The following TTLL6 variants were observed in gnomAD, a reference collection of about 807,000 sequenced individuals.
TTLL6 encodes tubulin tyrosine ligase like 6.
TTLL6 carries 75 observed loss-of-function variants against 96.4 expected under a neutral mutation model. The ratio of observed to expected loss-of-function variants is 0.78; its 90% confidence interval spans 0.65 to 0.94. The LOEUF is 0.94. TTLL6 is among the 40% of genes least tolerant of loss of function. The probability of loss-of-function intolerance (pLI) is 0.00; values close to 1 mark genes in which losing one functional copy is unlikely to be tolerated. For missense variants in TTLL6, 1,030 were observed against 1,093.0 expected (o/e 0.94, Z 0.81); for synonymous variants, 411 against 419.4 (o/e 0.98, Z 0.24).
intron 10 of TTLL6, among the ~76,000 whole-genome samples, chr17:48,788,885 A>C (rs2039161932): frequency 6.6e-6 from 1 of 152,190 alleles, no homozygotes; most frequent in South Asian, 2.1e-4. Flanking sequence ...CCAGAAACTC[A>C]ACCCCAAAGG....
In TTLL6 at chr17:48,769,132, G is replaced by T. The variant is rs1160917452; in HGVS notation, c.2533C>A (p.Leu845Met). 3 of 1,614,182 alleles carry T rather than the reference G, an allele frequency of 1.9e-6. No homozygotes were observed. In the Admixed American group the frequency reaches 5.0e-5, roughly 27 times the overall value. The change falls in exon 15 of 16, where the codon CTG becomes ATG. Residue 845 changes from leucine (L) to methionine (M), a missense_variant. By Grantham distance (15) the Leu-to-Met change is conservative (BLOSUM62 2). Coordinates refer to ENST00000393382, the MANE Select transcript of TTLL6 (RefSeq NM_001130918.3). ...TGGGCTGGAGTGGCAATCACCAGCA[G>T]GTCCCTCAGAGTAACATTATAGCTC... is the stretch of plus-strand genomic sequence containing the variant. The part of the protein sequence containing the change: ...PQSYNVTLRD[L>M]LVIATPAQLD...
intron 13 of TTLL6, among the ~76,000 whole-genome samples, chr17:48,782,061 C>T (rs911905520): frequency 2.6e-5 from 4 of 152,022 alleles, no homozygotes; most frequent in Non-Finnish European, 4.4e-5. Flanking sequence ...AAGGCAAATC[C>T]CTTATCAGAC....
intron 15 of TTLL6, among the ~76,000 whole-genome samples, chr17:48,767,707 T>G (rs1399644285): frequency 1.3e-5 from 2 of 152,210 alleles, no homozygotes; most frequent in Non-Finnish European, 2.9e-5. Context: ...CTCTATGTTG[T>G]GGAGTTCTCC....
chr17:48,814,597 T>C (rs2039639919), intron 1 of TTLL6, among the ~76,000 whole-genome samples: 1 of 152,068 alleles, frequency 6.6e-6, no homozygotes, highest in African/African-American at 2.4e-5. Flanking sequence ...ATGTCCTACA[T>C]TGGCCACCAG....
chr17:48,796,111 A>G lies in TTLL6; in HGVS notation c.948T>C (p.Ile316=). 6.4e-7 allele frequency: 1 copy of G among 1,551,480 alleles called. No individual in the cohort carries two copies. Among genetic ancestry groups the G allele is most frequent in the East Asian group, 2.4e-5 (1 of 40,922 alleles). The change falls in exon 8 of 16, where the codon ATT becomes ATC. Residue 316 remains isoleucine, a synonymous_variant. Coordinates refer to ENST00000393382, the MANE Select transcript of TTLL6 (RefSeq NM_001130918.3). Reference sequence around the variant, plus strand: ...GACTGAAATTTGAACTGTGCTTATTAATGGAATAATTAGTCAGGTGCATGC... The same window carrying G: ...GACTGAAATTTGAACTGTGCTTATTGATGGAATAATTAGTCAGGTGCATGC... ...DICMHLTNYS[I]NKHSSNFSRD...
chr17:48,780,738 A>G (rs552667305), intron 13 of TTLL6, among the ~76,000 whole-genome samples: 54 of 152,346 alleles, frequency 3.5e-4, no homozygotes, highest in Non-Finnish European at 5.0e-4. Context: ...GAATCATAAC[A>G]GTATTTATCT....
At chr17:48,775,235 G>A (rs1318425115) in intron 13 of TTLL6, among the ~76,000 whole-genome samples, 5 of 151,290 alleles carry the variant, frequency 3.3e-5, no homozygotes, top group Non-Finnish European at 1.5e-5. Flanking sequence ...GAATTACACT[G>A]ATATCAAAGA....
chr17:48,789,805 C>T, intron 10 of TTLL6, 126 bp downstream of exon 10: 1 of 984,594 alleles, frequency 1.0e-6, no homozygotes, highest in Non-Finnish European at 1.4e-6. Context: ...GATCTGCCTG[C>T]CTCAGCCTCC....
chr17:48,771,606 T>C (rs1465498745), intron 13 of TTLL6, among the ~76,000 whole-genome samples: 1 of 151,730 alleles, frequency 6.6e-6, no homozygotes, highest in Non-Finnish European at 1.5e-5. Flanking sequence ...CACTCCAGCT[T>C]AGGCGACAGA....
intron 8 of TTLL6, among the ~76,000 whole-genome samples, chr17:48,793,343 A>T (rs2039260250): frequency 1.3e-5 from 2 of 152,192 alleles, no homozygotes; most frequent in Non-Finnish European, 1.5e-5. Context: ...ACCCTCAAGG[A>T]GCAAAGTACA....
intron 13 of TTLL6, among the ~76,000 whole-genome samples, chr17:48,782,552 A>G (rs116385877): frequency 6.6e-6 from 1 of 152,086 alleles, no homozygotes; most frequent in Non-Finnish European, 1.5e-5. Flanking sequence ...ACATGGTCTC[A>G]TTTGTCTATT....
chr17:48,789,911 G>T lies in TTLL6; in HGVS notation c.1400+20C>A. On this transcript the variant is annotated intron_variant, in intron 10 of 15. Coordinates refer to ENST00000393382, the MANE Select transcript of TTLL6 (RefSeq NM_001130918.3). ...GGAGTCAGAGAGAGAGCCCCGCAAGGCTGGGGAGTGCGAATGTACCTCATC... is the reference window on the plus strand; with the variant it reads ...GGAGTCAGAGAGAGAGCCCCGCAAGTCTGGGGAGTGCGAATGTACCTCATC... The T allele has an allele frequency of 1.2e-6, 2 of 1,612,564 alleles. No homozygotes were observed. Among genetic ancestry groups the T allele is most frequent in the Non-Finnish European group, 1.7e-6 (2 of 1,179,008 alleles).
chr17:48,788,050 C>T (rs761941279), intron 10 of TTLL6, 51 bp from the exon 11 acceptor site: 3 of 1,579,490 alleles, frequency 1.9e-6, no homozygotes, highest in African/African-American at 2.7e-5. Context: ...TGGGACAAAG[C>T]CTGGAAGGGA....
At chr17:48,772,995 C>G (rs1380623282) in intron 13 of TTLL6, among the ~76,000 whole-genome samples, 1 of 152,114 alleles carries the variant, frequency 6.6e-6, no homozygotes, top group African/African-American at 2.4e-5. Flanking sequence ...CAGAGTGAGA[C>G]CCTGTCTCAA....
chr17:48,762,666 A>C lies in TTLL6; in HGVS notation c.*308T>G, dbSNP rs2038511937. 4.6e-6 allele frequency: 1 copy of C among 218,284 alleles called. No individual in the cohort carries two copies. Among genetic ancestry groups the C allele is most frequent in the East Asian group, 1.5e-4 (1 of 6,692 alleles). 13.5% of individuals were successfully genotyped at this position (218,284 alleles called of 1,614,324 possible). A position where few individuals can be genotyped will look rare whatever the true frequency, so the allele number is the denominator to read the frequency against. On this transcript the variant is annotated 3_prime_UTR_variant, in exon 16 of 16. Coordinates refer to ENST00000393382, the MANE Select transcript of TTLL6 (RefSeq NM_001130918.3). ...TGCTTTATCTGGGGGAGTATTCTGG[A>C]TGATGGTGCCATGTGAAGAACCCAG...
rs755180739 is a variant in TTLL6 at position 48,802,458 on chromosome 17, A to G, written c.362-815T>C. The stretch of plus-strand genomic sequence containing the variant: ...CCTTCTTTCTGTTCCTGTCAGGATT[A>G]ATAAGTAGGAGCTGACTCCAACACA... On this transcript the variant is annotated intron_variant, in intron 3 of 15. Coordinates refer to ENST00000393382, the MANE Select transcript of TTLL6 (RefSeq NM_001130918.3). 8.4e-4 allele frequency among the ~76,000 whole-genome samples: 128 copies of G among 152,376 alleles called. 1 individual carries two copies. The highest frequency in any genetic ancestry group is 6.8e-3 in the Middle Eastern group (2 of 294).
intron 9 of TTLL6, among the ~76,000 whole-genome samples, chr17:48,790,903 T>C (rs2143368693): frequency 6.6e-6 from 1 of 152,270 alleles, no homozygotes; most frequent in South Asian, 2.1e-4. Context: ...CGTATGGGTC[T>C]AGGGGAGGCA....
At chr17:48,780,398 TAA>T in intron 13 of TTLL6, among the ~76,000 whole-genome samples, 1 of 152,196 alleles carries the variant, frequency 6.6e-6, no homozygotes, top group East Asian at 1.9e-4. Flanking sequence ...TTAGGGAATT[TAA>T]AGTGTCTAAA....
At chr17:48,806,197 C>CAGAA (rs1225225320) in intron 1 of TTLL6, 1 of 151,726 alleles carries the variant, frequency 6.6e-6, no homozygotes, top group Admixed American at 6.6e-5. Context: ...TCGCTTGAAC[C>CAGAA]AGAAGGCAGA....
Sources: allele counts gnomAD v4.1 joint callset (sites outside exome capture counted in the v4.1 genomes callset), GRCh38; gene constraint gnomAD v4.1.1; transcripts MANE v1.5; gene names NCBI Gene and HGNC (gene_info 2026-07-23, HGNC 2026-07-21).